LYPD6: variants seen among roughly 807,000 people sequenced by gnomAD.
The protein encoded by LYPD6 is ly6/PLAUR domain-containing protein 6.
Under a neutral mutation model 22.7 loss-of-function variants are expected in LYPD6, and 15 were observed. The ratio of observed to expected loss-of-function variants is 0.66; its 90% CI spans 0.44 to 1.02. The LOEUF (loss-of-function observed/expected upper bound fraction) is 1.02, where lower values mean the gene tolerates loss of function less well. LYPD6 is among the 50% of genes least tolerant of loss of function. The pLI, the probability that LYPD6 is intolerant of heterozygous loss-of-function variation, is 0.00. For missense variants in LYPD6, 189 were observed against 208.4 expected, an observed-to-expected ratio of 0.91 and a Z score of 0.57; for synonymous variants, 72 against 77.5, an observed-to-expected ratio of 0.93 and a Z score of 0.37.
intron 1 of LYPD6, among the ~76,000 whole-genome samples, chr2:149,374,749 CAT>C (rs1681880180): frequency 6.6e-6 from 1 of 152,178 alleles, no homozygotes; most frequent in African/African-American, 2.4e-5. Flanking sequence ...GAAGGTAGCA[CAT>C]GTTAGGCTTT....
At chr2:149,339,208 T>C (rs1037512558) in intron 1 of LYPD6, among the ~76,000 whole-genome samples, 1 of 152,170 alleles carries the variant, frequency 6.6e-6, no homozygotes, top group African/African-American at 2.4e-5. Context: ...AGACTACGTA[T>C]AACCAGAAGG....
chr2:149,396,373 C>A (rs192523506), intron 1 of LYPD6, among the ~76,000 whole-genome samples: 3 of 152,086 alleles, frequency 2.0e-5, no homozygotes, highest in South Asian at 2.1e-4. Context: ...CTTCTCTCTT[C>A]CCCTTCTGCC....
At chr2:149,381,056 G>A (rs1682051046) in intron 1 of LYPD6, among the ~76,000 whole-genome samples, 2 of 152,194 alleles carry the variant, frequency 1.3e-5, no homozygotes, top group African/African-American at 4.8e-5. Flanking sequence ...ATCATTGGTG[G>A]CCTTGAGGAG....
intron 1 of LYPD6, among the ~76,000 whole-genome samples, chr2:149,436,563 T>C (rs1420354): frequency 0.28 from 42,547 of 152,108 alleles, 7,487 homozygotes; most frequent in African/African-American, 0.5. Flanking sequence ...GCTATAGCGA[T>C]AACACAATCT....
intron 3 of LYPD6, among the ~76,000 whole-genome samples, chr2:149,451,268 C>T (rs1325342847): frequency 2.6e-5 from 4 of 152,162 alleles, no homozygotes; most frequent in Non-Finnish European, 5.9e-5. Flanking sequence ...AACAGACCCA[C>T]TCCCTCAAAC....
intron 1 of LYPD6, among the ~76,000 whole-genome samples, chr2:149,390,665 A>G (rs1186376339): frequency 6.6e-6 from 1 of 152,146 alleles, no homozygotes; most frequent in African/African-American, 2.4e-5. Context: ...CAGTACCTCA[A>G]TTCTTATGAT....
the LYPD6 span, among the ~76,000 whole-genome samples, chr2:149,486,372 T>C: frequency 6.6e-6 from 1 of 152,222 alleles, no homozygotes; most frequent in Non-Finnish European, 1.5e-5. Context: ...GAATTATGAG[T>C]TCCACATTCA....
chr2:149,352,503 A>G (rs543071850), intron 1 of LYPD6, among the ~76,000 whole-genome samples: 1 of 152,214 alleles, frequency 6.6e-6, no homozygotes, highest in African/African-American at 2.4e-5. Context: ...TGCTGTGAGG[A>G]GGTTATCCCC....
At chr2:149,418,671 GAGA>G (rs528154742) in intron 1 of LYPD6, among the ~76,000 whole-genome samples, 11 of 152,342 alleles carry the variant, frequency 7.2e-5, no homozygotes, top group African/African-American at 2.6e-4. Flanking sequence ...AGCAGATTCA[GAGA>G]AGGCCTAGAG....
intron 1 of LYPD6, among the ~76,000 whole-genome samples, chr2:149,353,676 G>T (rs1373110188): frequency 3.9e-5 from 6 of 152,194 alleles, no homozygotes; most frequent in Non-Finnish European, 7.4e-5. Context: ...GAAGGCAAAT[G>T]AATTTGAACA....
At chr2:149,382,120 C>A (rs750898885) in intron 1 of LYPD6, among the ~76,000 whole-genome samples, 1 of 152,190 alleles carries the variant, frequency 6.6e-6, no homozygotes, top group Non-Finnish European at 1.5e-5. Context: ...AAAAATGAAA[C>A]CTTCTTAATA....
intron 1 of LYPD6, among the ~76,000 whole-genome samples, chr2:149,357,045 T>TC (rs1681462805): frequency 6.6e-6 from 1 of 152,214 alleles, no homozygotes. Context: ...CTGTGTTTTT[T>TC]CCCCAAGTTA....
At chr2:149,454,757 G>A (rs1413914698) in intron 3 of LYPD6, among the ~76,000 whole-genome samples, 3 of 152,170 alleles carry the variant, frequency 2.0e-5, no homozygotes, top group Admixed American at 2.0e-4. Context: ...AGTATTGACA[G>A]AAACAATAGA....
intron 1 of LYPD6, among the ~76,000 whole-genome samples, chr2:149,372,036 G>A (rs919683415): frequency 2.0e-5 from 3 of 152,090 alleles, no homozygotes; most frequent in African/African-American, 7.2e-5. Context: ...GGAGAGCGGA[G>A]GCATTCCAGG....
At chr2:149,396,901 C>G (rs1682438678) in intron 1 of LYPD6, among the ~76,000 whole-genome samples, 1 of 152,138 alleles carries the variant, frequency 6.6e-6, no homozygotes, top group South Asian at 2.1e-4. Flanking sequence ...CTCTGCCCTC[C>G]CATACCAAAA....
chr2:149,376,357 G>C (rs1167481560), intron 1 of LYPD6, among the ~76,000 whole-genome samples: 1 of 152,126 alleles, frequency 6.6e-6, no homozygotes, highest in Non-Finnish European at 1.5e-5. Context: ...AATGGAATTA[G>C]AAGTCCCTCA....
intron 1 of LYPD6, among the ~76,000 whole-genome samples, chr2:149,344,168 C>A (rs758079396): frequency 6.6e-6 from 1 of 152,108 alleles, no homozygotes; most frequent in Non-Finnish European, 1.5e-5. Flanking sequence ...CCTCCTATTT[C>A]TTTCCTAGCC....
chr2:149,394,450 A>T (rs1210742566), intron 1 of LYPD6, among the ~76,000 whole-genome samples: 8 of 152,168 alleles, frequency 5.3e-5, no homozygotes, highest in Non-Finnish European at 1.2e-4. Flanking sequence ...AAGCCCACCA[A>T]CTTGGCATCC....
chr2:149,408,883 G>A, intron 1 of LYPD6, among the ~76,000 whole-genome samples: 1 of 152,194 alleles, frequency 6.6e-6, no homozygotes, highest in East Asian at 1.9e-4. Flanking sequence ...TAGCTTAATA[G>A]TCGACTTTCT....
Sources: allele counts gnomAD v4.1 joint callset (sites outside exome capture counted in the v4.1 genomes callset), GRCh38; gene constraint gnomAD v4.1.1; transcripts MANE v1.5; gene names NCBI Gene and HGNC (gene_info 2026-07-23, HGNC 2026-07-21).